The following CACNA2D1 variants were observed in gnomAD, a reference collection of about 807,000 sequenced individuals.
The protein encoded by CACNA2D1 is voltage-dependent calcium channel subunit alpha-2/delta-1.
In CACNA2D1, 53 loss-of-function variants were observed where a neutral mutation model predicts 171.5. The ratio of observed to expected loss-of-function variants is 0.31; its 90% CI spans 0.25 to 0.39. CACNA2D1 has a LOEUF of 0.39. Among genes scored for constraint, CACNA2D1 ranks in the 10% least tolerant of loss-of-function variants. The pLI, the probability that CACNA2D1 is intolerant of heterozygous loss-of-function variation, is 1.00. For synonymous variants in CACNA2D1, 442 were observed against 443.1 expected (o/e 1.00, Z 0.03); for missense variants, 903 against 1,299.8 (o/e 0.69, Z 4.69).
chr7:82,302,608 C>T (rs1813165791), intron 3 of CACNA2D1, among the ~76,000 whole-genome samples: 1 of 151,734 alleles, frequency 6.6e-6, no homozygotes, highest in South Asian at 2.1e-4. Flanking sequence ...AGATAGGGTT[C>T]CTCCATGTTG....
chr7:81,982,609 G>A lies in CACNA2D1; in HGVS notation c.1913C>T (p.Pro638Leu). 6.2e-7 allele frequency: 1 copy of A among 1,607,412 alleles called. No individual in the cohort carries two copies. Residue 638 changes from proline (P) to leucine (L), a missense_variant, in exon 24 of 39, where the codon CCA (proline) becomes CTA (leucine). Pro to Leu is a moderately conservative substitution (Grantham distance 98, BLOSUM62 -3). This residue lies in a region of CACNA2D1 where 623 missense variants were observed against 925.5 expected (regional missense o/e 0.67). Coordinates refer to ENST00000356860, the MANE Select transcript of CACNA2D1 (RefSeq NM_000722.4). The stretch of plus-strand genomic sequence containing the variant: ...ATAGCCAGATTCTTCAAAATTATCT[G>A]GCTTCAGGGTTTCCGAATCTGCAAA... ...GKMKDSETLK[P>L]DNFEESGYTF...
chr7:82,204,629 C>A (rs749158526), intron 3 of CACNA2D1, among the ~76,000 whole-genome samples: 4 of 152,132 alleles, frequency 2.6e-5, no homozygotes, highest in Non-Finnish European at 5.9e-5. Flanking sequence ...TAGAAAAACT[C>A]CCTCAGCCTA....
rs1036890455 is a variant in CACNA2D1, at chr7:81,949,039, T to A, written c.*1353A>T. The A allele has an allele frequency of 1.3e-5, 2 of 151,958 alleles. No homozygotes were observed. Among genetic ancestry groups the A allele is most frequent in the Admixed American group, 6.6e-5 (1 of 15,222 alleles). 9.4% of individuals were successfully genotyped at this position (151,958 alleles called of 1,614,324 possible). A position where few individuals can be genotyped will look rare whatever the true frequency, so the allele number is the denominator to read the frequency against. On this transcript the variant is annotated 3_prime_UTR_variant, in exon 39 of 39. Transcript: ENST00000356860. ...ATTGTAAAACCCTTATCAACTTGCA[T>A]GGAAATTTTGGCCAAACGATCATAC... is the stretch of plus-strand genomic sequence containing the variant.
rs534062163 is a variant in CACNA2D1, at chr7:81,946,868, A to T, written c.*3524T>A. On this transcript the variant is annotated 3_prime_UTR_variant, in exon 39 of 39. Transcript: ENST00000356860. Reference sequence around the variant, plus strand: ...TTGTCTAATTCTTCAAAAATCTGGAATTTTTTTCAACACTCAAAACATTAT... The same window carrying T: ...TTGTCTAATTCTTCAAAAATCTGGATTTTTTTTCAACACTCAAAACATTAT... 4 of 152,174 alleles carry T rather than the reference A, an allele frequency of 2.6e-5. No homozygotes were observed. The highest frequency in any genetic ancestry group is 2.1e-4 in the South Asian group (1 of 4,832). 9.4% of individuals were successfully genotyped at this position (152,174 alleles called of 1,614,324 possible).
chr7:82,180,305 A>G lies in CACNA2D1; in HGVS notation c.295-9696T>C, dbSNP rs566659162. 2.0e-5 allele frequency among the ~76,000 whole-genome samples: 3 copies of G among 152,288 alleles called. No individual in the cohort carries two copies. The East Asian group carries it at 5.8e-4, about 29-fold the overall frequency. ...CCCAAACTCAGGGTTCATCAGCTGT[A>G]ACACATACCATTGCATACACCATAG... is the stretch of plus-strand genomic sequence containing the variant. On this transcript the variant is annotated intron_variant, in intron 3 of 38. Transcript: ENST00000356860.
At chr7:82,001,844 T>G (rs1798636299) in intron 18 of CACNA2D1, 1 of 252,912 alleles carries the variant, frequency 4.0e-6, no homozygotes, top group Non-Finnish European at 8.0e-6. Flanking sequence ...ATTCAAAATA[T>G]TTGGTAGGTA....
intron 3 of CACNA2D1, among the ~76,000 whole-genome samples, chr7:82,254,046 T>C (rs766425262): frequency 6.6e-6 from 1 of 152,084 alleles, no homozygotes; most frequent in Admixed American, 6.6e-5. Flanking sequence ...CGAAAATAAA[T>C]AGTAAACATA....
intron 21 of CACNA2D1, among the ~76,000 whole-genome samples, chr7:81,987,226 CAT>C (rs1329685999): frequency 2.0e-5 from 3 of 152,136 alleles, no homozygotes; most frequent in Non-Finnish European, 2.9e-5. Context: ...AATTTTTCAA[CAT>C]ATAGTCAGAT....
intron 12 of CACNA2D1, among the ~76,000 whole-genome samples, chr7:82,017,867 C>G (rs1010757761): frequency 7.2e-5 from 11 of 152,070 alleles, no homozygotes; most frequent in African/African-American, 2.7e-4. Context: ...CTCACTCAAG[C>G]AAATCACTTA....
At position 82,418,847 on chromosome 7, in the gene CACNA2D1, G is replaced by A. The variant is rs549252211; in HGVS notation, c.95+24518C>T. Among the ~76,000 whole-genome samples, 28 of 152,270 alleles carry A rather than the reference G, an allele frequency of 1.8e-4. 1 individual carries two copies. Among genetic ancestry groups the A allele is most frequent in the Admixed American group, 1.6e-3 (24 of 15,296 alleles). ...TAAGACTAAACATTAGGCTGGGCAC[G>A]GTGGCTCACGCCTGTAATCCCAGCA... On this transcript the variant is annotated intron_variant, in intron 1 of 38. Coordinates refer to ENST00000356860, the MANE Select transcript of CACNA2D1 (RefSeq NM_000722.4).
intron 31 of CACNA2D1, among the ~76,000 whole-genome samples, chr7:81,966,710 A>T (rs903154810): frequency 2.6e-5 from 4 of 151,494 alleles, no homozygotes; most frequent in African/African-American, 9.7e-5. Context: ...ATGTAACTAT[A>T]ACTTTATAAT....
intron 1 of CACNA2D1, among the ~76,000 whole-genome samples, chr7:82,374,269 C>G (rs907244792): frequency 6.6e-6 from 1 of 152,174 alleles, no homozygotes; most frequent in African/African-American, 2.4e-5. Flanking sequence ...CACCATCTCC[C>G]CCTCCTCCAA....
chr7:82,338,380 C>A (rs536637016), intron 2 of CACNA2D1, among the ~76,000 whole-genome samples: 1 of 151,958 alleles, frequency 6.6e-6, no homozygotes, highest in Non-Finnish European at 1.5e-5. Context: ...ATTGCCCAGG[C>A]TGGGGTGCAA....
intron 10 of CACNA2D1, among the ~76,000 whole-genome samples, chr7:82,054,632 G>T (rs2131334666): frequency 6.6e-6 from 1 of 152,118 alleles, no homozygotes; most frequent in East Asian, 1.9e-4. Context: ...GACTATTCTG[G>T]GGAAAATCAA....
At chr7:82,335,355 C>A (rs1817863340) in intron 2 of CACNA2D1, 104 bp from the exon 3 acceptor site, 3 of 730,750 alleles carry the variant, frequency 4.1e-6, no homozygotes, top group Non-Finnish European at 7.3e-6. Flanking sequence ...ATTAGAAACA[C>A]CACCCTGTTC....
chr7:81,961,985 T>C lies in CACNA2D1; in HGVS notation c.2875A>G (p.Lys959Glu), dbSNP rs1199951950. 1.9e-6 allele frequency: 3 copies of C among 1,612,586 alleles called. No individual in the cohort carries two copies. Among genetic ancestry groups the C allele is most frequent in the Non-Finnish European group, 2.5e-6 (3 of 1,179,086 alleles). Residue 959 changes from lysine to glutamate, a missense_variant, in exon 36 of 39, where the codon AAG becomes GAG. By Grantham distance (56) the Lys-to-Glu change is moderately conservative. Transcript: ENST00000356860. ...GTTTGTTCAGTAATGCAGCTCTGCT[T>C]GGACAGGGAGGCCGTGAAGTCATCA... ...EDDDFTASLS[K>E]QSCITEQTQY...
At chr7:82,328,135 CA>C (rs1337147012) in intron 3 of CACNA2D1, among the ~76,000 whole-genome samples, 1 of 152,122 alleles carries the variant, frequency 6.6e-6, no homozygotes, top group Non-Finnish European at 1.5e-5. Context: ...AGGCATGTAT[CA>C]AATCCAAATA....
At position 82,038,036 on chromosome 7, in the gene CACNA2D1, T is replaced by C. The variant is rs777197697; in HGVS notation, c.1038+41A>G. 10 of 1,597,568 alleles carry C rather than the reference T, an allele frequency of 6.3e-6. No individual in the cohort carries two copies. The African/African-American group carries it at 9.4e-5, about 15-fold the overall frequency. ...GAATATTGAAATTCAGATACTACAA[T>C]TGAACAACAACAACAACAAAAGACA... On this transcript the variant is annotated intron_variant, in intron 11 of 38. Coordinates refer to ENST00000356860, the MANE Select transcript of CACNA2D1 (RefSeq NM_000722.4).
intron 12 of CACNA2D1, among the ~76,000 whole-genome samples, chr7:82,019,247 G>A (rs1294835335): frequency 1.3e-5 from 2 of 152,156 alleles, no homozygotes; most frequent in African/African-American, 4.8e-5. Context: ...TTGAACCCGG[G>A]AGGTGGAGAT....
Sources: allele counts gnomAD v4.1 joint callset (sites outside exome capture counted in the v4.1 genomes callset), GRCh38; gene constraint gnomAD v4.1.1; regional missense constraint gnomAD v4.1.1; transcripts MANE v1.5; gene names NCBI Gene and HGNC (gene_info 2026-07-23, HGNC 2026-07-21).